Variants in CDK14 observed in about 807,000 individuals in gnomAD.
The protein encoded by CDK14 is cyclin-dependent kinase 14.
CDK14 carries 34 observed loss-of-function variants against 60.7 expected under a neutral mutation model. The ratio of observed to expected loss-of-function variants is 0.56; its 90% CI spans 0.43 to 0.75. The LOEUF is 0.75. CDK14 is among the 30% of genes least tolerant of loss of function. The pLI, the probability that CDK14 is intolerant of heterozygous loss-of-function variation, is 0.00. For synonymous variants in CDK14, 197 were observed against 203.7 expected (o/e 0.97, Z 0.28); for missense variants, 482 against 564.1 (o/e 0.85, Z 1.47).
chr7:90,889,802 C>G (rs1180844041), intron 6 of CDK14, among the ~76,000 whole-genome samples: 1 of 152,170 alleles, frequency 6.6e-6, no homozygotes, highest in Non-Finnish European at 1.5e-5. Flanking sequence ...CAGTGGAATA[C>G]TTGAGAATAA....
intron 10 of CDK14, among the ~76,000 whole-genome samples, chr7:90,984,478 T>C (rs560226542): frequency 2.2e-4 from 33 of 152,204 alleles, no homozygotes; most frequent in African/African-American, 7.5e-4. Context: ...AGAGGCAATA[T>C]AGAGAAAGTA....
rs1219341546 is a variant in CDK14, at chr7:90,995,836, T to C, written c.1041+11595T>C. 5.9e-5 allele frequency among the ~76,000 whole-genome samples: 9 copies of C among 152,206 alleles called. No individual in the cohort carries two copies. The East Asian group carries it at 1.5e-3, about 26-fold the overall frequency. On this transcript the variant is annotated intron_variant, in intron 10 of 14. Coordinates refer to ENST00000380050, the MANE Select transcript of CDK14 (RefSeq NM_001287135.2). Reference sequence around the variant, plus strand: ...CATTCTTAGACCCCACTGAGGATTCTGAATCCGAGTCTCAGGGGATGGGAC... The same window carrying C: ...CATTCTTAGACCCCACTGAGGATTCCGAATCCGAGTCTCAGGGGATGGGAC...
intron 7 of CDK14, among the ~76,000 whole-genome samples, chr7:90,914,494 A>G (rs1562826023): frequency 6.6e-6 from 1 of 152,158 alleles, no homozygotes; most frequent in Non-Finnish European, 1.5e-5. Context: ...CCTCTTGCAT[A>G]ACAGCACCTA....
chr7:90,910,030 C>G (rs953132796), intron 7 of CDK14, among the ~76,000 whole-genome samples: 1 of 152,124 alleles, frequency 6.6e-6, no homozygotes, highest in African/African-American at 2.4e-5. Context: ...AAAAAATACA[C>G]GTGGAAGGAC....
At position 90,917,733 on chromosome 7, in the gene CDK14, G is replaced by A. The variant is rs763984267; in HGVS notation, c.826+9G>A. ...AAAGCTGGCAGATTTCGGTAGGAAA[G>A]CAGTTAATTACCAGTCTATTTTGTC... On this transcript the variant is annotated intron_variant, in intron 8 of 14. Transcript: ENST00000380050. 52 of 1,612,054 alleles carry A rather than the reference G, an allele frequency of 3.2e-5. No individual in the cohort carries two copies. Among genetic ancestry groups the A allele is most frequent in the African/African-American group, 1.7e-4 (13 of 74,882 alleles).
intron 12 of CDK14, among the ~76,000 whole-genome samples, chr7:91,109,308 C>G (rs942814020): frequency 1.3e-5 from 2 of 152,114 alleles, no homozygotes; most frequent in African/African-American, 2.4e-5. Context: ...TATACTTACA[C>G]TGTCTGGACT....
intron 4 of CDK14, among the ~76,000 whole-genome samples, chr7:90,779,113 C>T (rs373499673): frequency 1.3e-5 from 2 of 151,866 alleles, no homozygotes; most frequent in Non-Finnish European, 2.9e-5. Flanking sequence ...ATTAGCTGGG[C>T]GTGGTGGTGC....
At chr7:90,804,307 C>T (rs543991174) in intron 5 of CDK14, among the ~76,000 whole-genome samples, 1 of 152,264 alleles carries the variant, frequency 6.6e-6, no homozygotes, top group African/African-American at 2.4e-5. Context: ...ATATTACCAA[C>T]ATGAATCTTT....
intron 5 of CDK14, among the ~76,000 whole-genome samples, chr7:90,806,404 C>G (rs1218868170): frequency 6.6e-6 from 1 of 151,864 alleles, no homozygotes; most frequent in Non-Finnish European, 1.5e-5. Flanking sequence ...TAAAGAGGTC[C>G]AAAACTCAAT....
Position 90,831,832 on chromosome 7 carries a change from C to T in CDK14, c.545-31343C>T, listed in dbSNP as rs1789919877. 2.6e-5 allele frequency among the ~76,000 whole-genome samples: 4 copies of T among 152,084 alleles called. No individual in the cohort carries two copies. The South Asian group carries it at 6.2e-4, about 24-fold the overall frequency. ...AATTCTTTACCTGTATGTTGTAGAT[C>T]CTGGCTTGTCCTCAACCTCATGTCC... is the stretch of plus-strand genomic sequence containing the variant. On this transcript the variant is annotated intron_variant, in intron 5 of 14. Transcript: ENST00000380050.
chr7:91,179,559 A>G (rs1411430295), intron 14 of CDK14, among the ~76,000 whole-genome samples: 3 of 151,880 alleles, frequency 2.0e-5, no homozygotes, highest in Non-Finnish European at 4.4e-5. Flanking sequence ...TCCCAGCATT[A>G]TGGGAGGCCG....
chr7:91,117,109 T>TA (rs1799630940), intron 13 of CDK14, among the ~76,000 whole-genome samples: 1 of 146,472 alleles, frequency 6.8e-6, no homozygotes, highest in African/African-American at 2.5e-5. Flanking sequence ...CACTTAATCT[T>TA]ACCAAAACTG....
At chr7:90,678,765 A>G (rs1022988039) in intron 2 of CDK14, among the ~76,000 whole-genome samples, 4 of 152,188 alleles carry the variant, frequency 2.6e-5, no homozygotes, top group Admixed American at 1.3e-4. Flanking sequence ...ATTCATCAGC[A>G]CTAGCTATTA....
At chr7:90,894,162 A>G (rs1390737884) in intron 6 of CDK14, among the ~76,000 whole-genome samples, 2 of 152,194 alleles carry the variant, frequency 1.3e-5, no homozygotes, top group Non-Finnish European at 2.9e-5. Flanking sequence ...GTGCTGGACA[A>G]TGTTCTGAAA....
chr7:91,081,654 G>A (rs1422410176), intron 12 of CDK14, among the ~76,000 whole-genome samples: 2 of 152,114 alleles, frequency 1.3e-5, no homozygotes, highest in African/African-American at 4.8e-5. Flanking sequence ...TATTTGAATA[G>A]CTATAACAAA....
chr7:91,173,446 G>T (rs1448927263), intron 14 of CDK14, among the ~76,000 whole-genome samples: 1 of 151,926 alleles, frequency 6.6e-6, no homozygotes, highest in Non-Finnish European at 1.5e-5. Context: ...AAAAAGGTGG[G>T]GAGGAGCCAA....
chr7:90,877,368 A>G (rs928869813), intron 6 of CDK14, among the ~76,000 whole-genome samples: 3 of 151,782 alleles, frequency 2.0e-5, no homozygotes, highest in African/African-American at 4.9e-5. Context: ...AAGCCTGGCT[A>G]TAAATCCCCA....
rs142417904 is a variant in CDK14, at chr7:90,713,497, A to G, written c.124-13070A>G. Among the ~76,000 whole-genome samples, 28 of 152,036 alleles carry G rather than the reference A, an allele frequency of 1.8e-4. 1 individual carries two copies. Among genetic ancestry groups the G allele is most frequent in the African/African-American group, 6.5e-4 (27 of 41,498 alleles). ...TTTCTGTTATGGCCTGACTTTTATT[A>G]TGAGACTAATTCAGAATCAGATTAA... On this transcript the variant is annotated intron_variant, in intron 2 of 14. Coordinates refer to ENST00000380050, the MANE Select transcript of CDK14 (RefSeq NM_001287135.2).
chr7:90,811,602 C>A (rs541047563), intron 5 of CDK14, among the ~76,000 whole-genome samples: 20,865 of 151,046 alleles, frequency 0.14, 1,614 homozygotes, highest in Middle Eastern at 0.24. Context: ...GCAACAAAAG[C>A]CAAAATTGAC....
Sources: allele counts gnomAD v4.1 joint callset (sites outside exome capture counted in the v4.1 genomes callset), GRCh38; gene constraint gnomAD v4.1.1; transcripts MANE v1.5; gene names NCBI Gene and HGNC (gene_info 2026-07-23, HGNC 2026-07-21).